Variants in CNTNAP3B observed in about 807,000 individuals in gnomAD.
CNTNAP3B encodes contactin-associated protein-like 3B.
CNTNAP3B carries 25 observed loss-of-function variants against 108.9 expected under a neutral mutation model. That is an observed-to-expected ratio of 0.23 (90% CI 0.17 to 0.32). The LOEUF (loss-of-function observed/expected upper bound fraction) is 0.32, where lower values mean the gene tolerates loss of function less well. Among genes scored for constraint, CNTNAP3B ranks in the 10% least tolerant of loss-of-function variants. The probability of loss-of-function intolerance (pLI) is 1.00; values close to 1 mark genes in which losing one functional copy is unlikely to be tolerated. For missense variants in CNTNAP3B, 252 were observed against 1,210.4 expected (o/e 0.21, Z 11.75); for synonymous variants, 103 against 473.4 (o/e 0.22, Z 10.16).
chr9:41,967,678 T>C (rs1825321949), intron 10 of CNTNAP3B, among the ~76,000 whole-genome samples: 1 of 152,300 alleles, frequency 6.6e-6, no homozygotes, highest in Non-Finnish European at 1.5e-5. Flanking sequence ...TCTTTAATTT[T>C]AACTCTGTAG....
intron 11 of CNTNAP3B, among the ~76,000 whole-genome samples, chr9:41,961,635 G>A (rs1198944028): frequency 6.6e-6 from 1 of 152,222 alleles, no homozygotes; most frequent in Admixed American, 6.5e-5. Flanking sequence ...ATTTTAAAGA[G>A]ATAAATGGAA....
At chr9:41,959,513 C>T (rs1261054623) in intron 12 of CNTNAP3B, among the ~76,000 whole-genome samples, 1 of 152,302 alleles carries the variant, frequency 6.6e-6, no homozygotes, top group Non-Finnish European at 1.5e-5. Context: ...AACCAAGGTC[C>T]TTCCTGGTTG....
At chr9:41,926,347 G>T (rs1188826662) in intron 15 of CNTNAP3B, among the ~76,000 whole-genome samples, 2 of 152,254 alleles carry the variant, frequency 1.3e-5, no homozygotes, top group Non-Finnish European at 2.9e-5. Flanking sequence ...GAATCAATAA[G>T]TGTTATGTTA....
Position 42,001,405 on chromosome 9 carries a change from C to T in CNTNAP3B, c.539-2801G>A, listed in dbSNP as rs1243053758. Among the ~76,000 whole-genome samples, 8 of 133,508 alleles carry T rather than the reference C, an allele frequency of 6.0e-5. 2 individuals are homozygous for T. Among genetic ancestry groups the T allele is most frequent in the African/African-American group, 2.4e-4 (8 of 32,940 alleles). The allele number at this position is 133,508 out of a possible 152,430, so 87.6% of individuals were successfully genotyped here. A position where few individuals can be genotyped will look rare whatever the true frequency, so the allele number is the denominator to read the frequency against. On this transcript the variant is annotated intron_variant, in intron 4 of 23. Coordinates refer to ENST00000377561, the MANE Select transcript of CNTNAP3B (RefSeq NM_001201380.3). Reference sequence around the variant, plus strand: ...CCCCAGCCTGGGCAACACAGCAAGACCCCATTTCAAGAAAAAAACAGTTCT... The same window carrying T: ...CCCCAGCCTGGGCAACACAGCAAGATCCCATTTCAAGAAAAAAACAGTTCT...
chr9:41,953,249 G>C lies in CNTNAP3B; in HGVS notation c.2014C>G (p.Leu672Val). ...GAGQLRAAVN[L>V]AERCEQRLAL... The stretch of plus-strand genomic sequence containing the variant: ...AGCCGCTGCTCGCAGCGCTCCGCCA[G>C]GTTCACCGCGGCCCGCAGCTGCCCC... The change falls in exon 13 of 24, where the codon CTG (leucine) becomes GTG (valine). Residue 672 changes from leucine to valine, a missense_variant. By Grantham distance (32) the Leu-to-Val change is conservative (BLOSUM62 1). Coordinates refer to ENST00000377561, the MANE Select transcript of CNTNAP3B (RefSeq NM_001201380.3). 1 of 1,526,434 alleles carries C rather than the reference G, an allele frequency of 6.6e-7. No homozygotes were observed. Among genetic ancestry groups the C allele is most frequent in the Middle Eastern group, 2.3e-4 (1 of 4,346 alleles). 94.6% of individuals were successfully genotyped at this position (1,526,434 alleles called of 1,614,324 possible). A position where few individuals can be genotyped will look rare whatever the true frequency, so the allele number is the denominator to read the frequency against.
rs1452572607 is a variant in CNTNAP3B at position 41,931,760 on chromosome 9, G to C, written c.2238-2316C>G. On this transcript the variant is annotated intron_variant, in intron 14 of 23. Coordinates refer to ENST00000377561, the MANE Select transcript of CNTNAP3B (RefSeq NM_001201380.3). ...GTCTAGGAAATTTTTTATTAATGTG[G>C]TAGCCATTAAAAATTACCATTTCCA... 6.1e-5 allele frequency among the ~76,000 whole-genome samples: 9 copies of C among 147,954 alleles called. No homozygotes were observed. The East Asian group carries it at 1.8e-3, about 29-fold the overall frequency.
At chr9:41,955,733 C>T (rs1824837553) in intron 12 of CNTNAP3B, among the ~76,000 whole-genome samples, 1 of 152,300 alleles carries the variant, frequency 6.6e-6, no homozygotes, top group African/African-American at 2.4e-5. Flanking sequence ...TCTCACTAGC[C>T]CAGAAGGAGG....
intron 1 of CNTNAP3B, among the ~76,000 whole-genome samples, chr9:42,124,848 A>G (rs1828534012): frequency 7.3e-6 from 1 of 136,488 alleles, no homozygotes; most frequent in Non-Finnish European, 1.6e-5. Flanking sequence ...ATATAAATGA[A>G]CTGTTATTTC....
chr9:41,990,461 T>C (rs1825785255), intron 8 of CNTNAP3B, among the ~76,000 whole-genome samples: 1 of 132,150 alleles, frequency 7.6e-6, no homozygotes, highest in African/African-American at 3.1e-5. Context: ...CTTGCCTGAT[T>C]GTTCCAGAAG....
At chr9:41,933,062 T>A (rs1824030412) in intron 14 of CNTNAP3B, among the ~76,000 whole-genome samples, 1 of 152,298 alleles carries the variant, frequency 6.6e-6, no homozygotes, top group Admixed American at 6.5e-5. Flanking sequence ...TTAATTTCCA[T>A]ATGAATTTTA....
rs1266795749 is a variant in CNTNAP3B at position 42,123,571 on chromosome 9, T to A, written c.85+5439A>T. On this transcript the variant is annotated intron_variant, in intron 1 of 23. Coordinates refer to ENST00000377561, the MANE Select transcript of CNTNAP3B (RefSeq NM_001201380.3). Reference sequence around the variant, plus strand: ...ACATGAAAAGGACAGTGAAGAGATCTCTTGAACCGGCCAGAAAGTTGAAGC... The same window carrying A: ...ACATGAAAAGGACAGTGAAGAGATCACTTGAACCGGCCAGAAAGTTGAAGC... Among the ~76,000 whole-genome samples, 4 of 125,466 alleles carry A rather than the reference T, an allele frequency of 3.2e-5. 1 individual carries two copies. The highest frequency in any genetic ancestry group is 6.6e-5 in the Non-Finnish European group (4 of 60,298). The allele number at this position is 125,466 out of a possible 152,430, so 82.3% of individuals were successfully genotyped here. A position where few individuals can be genotyped will look rare whatever the true frequency, so the allele number is the denominator to read the frequency against.
At chr9:42,002,561 G>A (rs1365860893) in intron 4 of CNTNAP3B, among the ~76,000 whole-genome samples, 1 of 105,594 alleles carries the variant, frequency 9.5e-6, no homozygotes, top group Admixed American at 9.8e-5. Flanking sequence ...TTGCTAAAAT[G>A]TGTTATGTCC....
chr9:41,943,943 A>T (rs1157872564), intron 13 of CNTNAP3B, among the ~76,000 whole-genome samples: 786 of 151,862 alleles, frequency 5.2e-3, no homozygotes, highest in African/African-American at 0.018. Flanking sequence ...AATAAACCAG[A>T]GTAAAATAAA....
At position 41,984,045 on chromosome 9, in the gene CNTNAP3B, C is replaced by T. The variant is rs1270232481; in HGVS notation, c.1477+2123G>A. 1.5e-4 allele frequency among the ~76,000 whole-genome samples: 13 copies of T among 87,428 alleles called. 2 individuals carry two copies. The highest frequency in any genetic ancestry group is 3.5e-4 in the South Asian group (1 of 2,872). The allele number at this position is 87,428 out of a possible 152,430, so 57.4% of individuals were successfully genotyped here. ...CAGCCTGGGGGACACAGCGAGACTC[C>T]GCCTCAAAAAATAAAAATAAATAAA... is the stretch of plus-strand genomic sequence containing the variant. On this transcript the variant is annotated intron_variant, in intron 9 of 23. Coordinates refer to ENST00000377561, the MANE Select transcript of CNTNAP3B (RefSeq NM_001201380.3).
chr9:41,961,035 T>C lies in CNTNAP3B; in HGVS notation c.1757-143A>G. 3 of 1,477,242 alleles carry C rather than the reference T, an allele frequency of 2.0e-6. No individual in the cohort carries two copies. The South Asian group carries it at 4.4e-5, about 22-fold the overall frequency. The allele number at this position is 1,477,242 out of a possible 1,614,324, so 91.5% of individuals were successfully genotyped here. On this transcript the variant is annotated intron_variant, in intron 11 of 23. Transcript: ENST00000377561. ...TTATAGTGTATGAAAGTATATTTGA[T>C]GAGATGCAAGAAAAATGACATTTAA...
intron 12 of CNTNAP3B, 120 bp from the exon 13 acceptor site, chr9:41,953,506 C>T (rs549881822): frequency 5.7e-6 from 7 of 1,227,736 alleles, no homozygotes; most frequent in Middle Eastern, 2.6e-4. Context: ...GCATGTTTGC[C>T]GCGATTTGAG....
intron 12 of CNTNAP3B, among the ~76,000 whole-genome samples, chr9:41,955,838 G>T (rs1252552053): frequency 6.6e-6 from 1 of 152,274 alleles, no homozygotes; most frequent in South Asian, 2.1e-4. Flanking sequence ...ATTTTGATTG[G>T]AATTAACAGT....
rs1395126562 is a variant in CNTNAP3B, at chr9:42,094,587, T to C, written c.196+10042A>G. ...GGAGGATCACCTGAGCCCACGGAGG[T>C]TGAGGCTACACTAAGCTGTGATCTT... On this transcript the variant is annotated intron_variant, in intron 2 of 23. Transcript: ENST00000377561. Among the ~76,000 whole-genome samples the C allele has an allele frequency of 1.5e-5, 2 of 129,166 alleles. 1 individual carries two copies. The highest frequency in any genetic ancestry group is 6.3e-5 in the African/African-American group (2 of 31,546). The allele number at this position is 129,166 out of a possible 152,430, so 84.7% of individuals were successfully genotyped here.
intron 3 of CNTNAP3B, among the ~76,000 whole-genome samples, chr9:42,030,824 G>GAGAGAGAGAA (rs1587213493): frequency 8.2e-6 from 1 of 121,544 alleles, no homozygotes; most frequent in East Asian, 2.6e-4. Context: ...GAGAGAGAGA[G>GAGAGAGAGAA]AGAGAGAGAG....
Sources: allele counts gnomAD v4.1 joint callset (sites outside exome capture counted in the v4.1 genomes callset), GRCh38; gene constraint gnomAD v4.1.1; transcripts MANE v1.5; gene names NCBI Gene and HGNC (gene_info 2026-07-23, HGNC 2026-07-21).